The following SMYD2 variants were observed in gnomAD, a reference collection of about 807,000 sequenced individuals.
SMYD2 encodes the protein N-lysine methyltransferase SMYD2.
Under a neutral mutation model 59.1 loss-of-function variants are expected in SMYD2, and 53 were observed. That is an observed-to-expected ratio of 0.90 (90% CI 0.72 to 1.13). SMYD2 has a LOEUF of 1.13. Ranked by LOEUF, SMYD2 falls within the 50% of genes most tolerant of loss-of-function variation. The pLI is 0.00. For synonymous variants in SMYD2, 208 were observed against 198.8 expected (o/e 1.05, Z -0.39); for missense variants, 494 against 544.7 (o/e 0.91, Z 0.93).
intron 1 of SMYD2, among the ~76,000 whole-genome samples, chr1:214,286,310 A>T (rs1284375521): frequency 6.6e-6 from 1 of 152,036 alleles, no homozygotes; most frequent in African/African-American, 2.4e-5. Flanking sequence ...CTACAAAAAA[A>T]ATTTTATTTA....
In SMYD2 at chr1:214,318,489, GGTTGTCCAGTT is replaced by G. The variant is rs1241703384; in HGVS notation, c.409+354_410-356del. On this transcript the variant is annotated intron_variant, in intron 4 of 11. Coordinates refer to ENST00000366957, the MANE Select transcript of SMYD2 (RefSeq NM_020197.3). The surrounding 1 kb of genome is among the most constrained non-coding windows in gnomAD (Gnocchi z 5.4). Reference sequence around the variant, plus strand: ...TCTTACTGAAAGCCGTGAAATCAGGGGTTGTCCAGTTGTTTGACCACGGCCCAGATTCCCGG... The same window carrying G: ...TCTTACTGAAAGCCGTGAAATCAGGGGTTTGACCACGGCCCAGATTCCCGG... Among the ~76,000 whole-genome samples, 2 of 152,122 alleles carry G rather than the reference GGTTGTCCAGTT, an allele frequency of 1.3e-5. No individual in the cohort carries two copies. Among genetic ancestry groups the G allele is most frequent in the Non-Finnish European group, 1.5e-5 (1 of 68,022 alleles).
chr1:214,331,324 C>T, intron 9 of SMYD2: 1 of 436,474 alleles, frequency 2.3e-6, no homozygotes, highest in South Asian at 2.6e-5. Context: ...CCATGAAGGA[C>T]AGAGCCTTGA....
intron 1 of SMYD2, among the ~76,000 whole-genome samples, chr1:214,304,774 T>C (rs1337494428): frequency 6.6e-6 from 1 of 152,102 alleles, no homozygotes; most frequent in Non-Finnish European, 1.5e-5. Flanking sequence ...AAACCTTCAA[T>C]GTGGTTTTAT....
intron 9 of SMYD2, 59 bp from the exon 10 acceptor site, chr1:214,331,959 G>T: frequency 2.6e-6 from 4 of 1,543,000 alleles, no homozygotes; most frequent in East Asian, 2.3e-5. Flanking sequence ...CTTGAACCCA[G>T]CCTGGGGAAG....
At chr1:214,298,043 G>GA (rs549000534) in intron 1 of SMYD2, among the ~76,000 whole-genome samples, 268 of 152,102 alleles carry the variant, frequency 1.8e-3, no homozygotes, top group Non-Finnish European at 3.0e-3. Context: ...CACAGAATAA[G>GA]AAAAAAACTT....
At chr1:214,323,936 C>CT (rs1016588247) in intron 5 of SMYD2, among the ~76,000 whole-genome samples, 2 of 151,798 alleles carry the variant, frequency 1.3e-5, no homozygotes, top group Non-Finnish European at 2.9e-5. Flanking sequence ...GGATTGATTC[C>CT]TTTTTTTTGA....
At chr1:214,302,423 G>A (rs999743459) in intron 1 of SMYD2, among the ~76,000 whole-genome samples, 3 of 151,656 alleles carry the variant, frequency 2.0e-5, no homozygotes, top group African/African-American at 7.3e-5. Flanking sequence ...GAACCTTTAC[G>A]CCTTACGCCT....
At position 214,324,652 on chromosome 1, in the gene SMYD2, TG is replaced by T; in HGVS notation, c.548del (p.Gly183AlafsTer22). 1 of 1,613,074 alleles carries T rather than the reference TG, an allele frequency of 6.2e-7. No individual in the cohort carries two copies. Among genetic ancestry groups the T allele is most frequent in the Non-Finnish European group, 8.5e-7 (1 of 1,179,630 alleles). On this transcript the variant is annotated frameshift_variant, in exon 6 of 12. Transcript: ENST00000366957. LOFTEE classifies it high-confidence loss of function. The part of the protein sequence containing the change: ...VVLFAQVNCN[G>X]FTIEDEELSH... Reference sequence around the variant, plus strand: ...TTTTCTTGCTGCAGGTTAACTGTAATGGCTTCACAATTGAAGATGAAGAACT... The same window carrying T: ...TTTTCTTGCTGCAGGTTAACTGTAATGCTTCACAATTGAAGATGAAGAACT...
At chr1:214,290,660 C>A (rs541216694) in intron 1 of SMYD2, among the ~76,000 whole-genome samples, 1 of 152,154 alleles carries the variant, frequency 6.6e-6, no homozygotes, top group Non-Finnish European at 1.5e-5. Flanking sequence ...AAGTGAAATT[C>A]ACACAGGGCT....
chr1:214,336,603 C>A, intron 11 of SMYD2, 101 bp from the exon 12 acceptor site: 1 of 961,702 alleles, frequency 1.0e-6, no homozygotes, highest in Non-Finnish European at 1.6e-6. Context: ...CAGTTTGCAT[C>A]CTGTGCCTTA....
At chr1:214,329,659 A>G (rs1657318794) in intron 7 of SMYD2, among the ~76,000 whole-genome samples, 1 of 152,214 alleles carries the variant, frequency 6.6e-6, no homozygotes. Flanking sequence ...TGTGGGTCCC[A>G]GCCCACTGAG....
intron 1 of SMYD2, among the ~76,000 whole-genome samples, chr1:214,302,971 G>A (rs1656850135): frequency 6.6e-6 from 1 of 152,080 alleles, no homozygotes; most frequent in Non-Finnish European, 1.5e-5. Flanking sequence ...CTACATATGG[G>A]CTTTTAGGTG....
chr1:214,314,383 G>GTGA (rs1657048157), intron 2 of SMYD2, among the ~76,000 whole-genome samples: 1 of 152,198 alleles, frequency 6.6e-6, no homozygotes, highest in African/African-American at 2.4e-5. Context: ...GAGCGGAACT[G>GTGA]TGAGGCAACA....
intron 7 of SMYD2, among the ~76,000 whole-genome samples, chr1:214,328,440 C>G (rs1475878935): frequency 6.8e-6 from 1 of 147,062 alleles, no homozygotes; most frequent in Non-Finnish European, 1.5e-5. Context: ...ATTCCCTGTT[C>G]CCTTCCCATG....
intron 5 of SMYD2, among the ~76,000 whole-genome samples, chr1:214,321,707 G>C (rs1341385978): frequency 5.9e-5 from 9 of 152,164 alleles, no homozygotes; most frequent in Non-Finnish European, 1.2e-4. Context: ...GTGTATTTTT[G>C]GTGTGCAGCC....
rs1288379944 is a variant in SMYD2 at position 214,314,778 on chromosome 1, T to C, written c.254T>C (p.Met85Thr). 6.2e-7 allele frequency: 1 copy of C among 1,614,072 alleles called. No homozygotes were observed. Among genetic ancestry groups the C allele is most frequent in the South Asian group, 1.1e-5 (1 of 91,070 alleles). Residue 85 changes from methionine to threonine, a missense_variant, in exon 3 of 12, where the codon ATG becomes ACG. Transcript: ENST00000366957. Reference protein sequence around the residue: ...NVECQKEDWPMHKLECSPMVV... With the variant: ...NVECQKEDWPTHKLECSPMVV... The stretch of plus-strand genomic sequence containing the variant: ...TCTTCCCAGAAAGAAGATTGGCCCA[T>C]GCACAAGCTGGAATGTTCTCCCATG...
chr1:214,317,640 T>C (rs942006801), intron 3 of SMYD2, among the ~76,000 whole-genome samples: 2 of 152,238 alleles, frequency 1.3e-5, no homozygotes, highest in African/African-American at 4.8e-5. Context: ...AAAAGTGTTC[T>C]TTTTGAAACA....
At chr1:214,291,758 C>G (rs766396759) in intron 1 of SMYD2, among the ~76,000 whole-genome samples, 1 of 152,194 alleles carries the variant, frequency 6.6e-6, no homozygotes, top group African/African-American at 2.4e-5. Flanking sequence ...CTGACACAAA[C>G]TAAGAGAGAG....
chr1:214,289,655 T>C (rs1012353161), intron 1 of SMYD2, among the ~76,000 whole-genome samples: 4 of 152,240 alleles, frequency 2.6e-5, no homozygotes, highest in Non-Finnish European at 5.9e-5. Context: ...ATGTGTGTCC[T>C]GATGATCACT....
Sources: gnomAD v4.1 joint callset for allele counts (sites outside exome capture counted in the v4.1 genomes callset) on GRCh38, gnomAD v4.1.1 for gene constraint, Gnocchi (gnomAD v3.1) non-coding constraint, MANE v1.5 for transcripts, NCBI Gene and HGNC (gene_info 2026-07-23, HGNC 2026-07-21) for gene names.